The following RELN variants were observed in gnomAD, a reference collection of about 807,000 sequenced individuals.
RELN encodes reelin.
Under a neutral mutation model 427.6 loss-of-function variants are expected in RELN, and 108 were observed. That is an observed-to-expected ratio of 0.25 (90% CI 0.22 to 0.30). RELN has a LOEUF of 0.30. Among genes scored for constraint, RELN ranks in the 10% least tolerant of loss-of-function variants. The pLI is 1.00. For missense variants in RELN, 3,715 were observed against 4,302.8 expected (o/e 0.86, Z 3.82); for synonymous variants, 1,524 against 1,513.4 (o/e 1.01, Z -0.16).
At chr7:103,495,611 C>T (rs1418792310) in intron 57 of RELN, 112 bp downstream of exon 57, 1 of 1,041,814 alleles carries the variant, frequency 9.6e-7, no homozygotes, top group Non-Finnish European at 1.5e-6. Context: ...AAGATAAAGT[C>T]TTTTTTAATG....
At chr7:103,967,364 G>A (rs774487625) in intron 1 of RELN, among the ~76,000 whole-genome samples, 3 of 152,098 alleles carry the variant, frequency 2.0e-5, no homozygotes, top group Non-Finnish European at 4.4e-5. Context: ...GGCTCCTGAT[G>A]TTGAAAGTGT....
In RELN at chr7:103,741,213, T is replaced by C. The variant is rs916689101; in HGVS notation, c.656+8213A>G. Among the ~76,000 whole-genome samples, 4 of 152,198 alleles carry C rather than the reference T, an allele frequency of 2.6e-5. No individual in the cohort carries two copies. The East Asian group carries it at 7.7e-4, about 29-fold the overall frequency. On this transcript the variant is annotated intron_variant, in intron 6 of 64. Transcript: ENST00000428762. Reference sequence around the variant, plus strand: ...ACAAACTGGGGCTTTGTTAGTTTATTGGAAATATTTCATGGGGATATCTGA... The same window carrying C: ...ACAAACTGGGGCTTTGTTAGTTTATCGGAAATATTTCATGGGGATATCTGA...
At chr7:103,601,246 A>C (rs1287147801) in intron 24 of RELN, among the ~76,000 whole-genome samples, 1 of 152,178 alleles carries the variant, frequency 6.6e-6, no homozygotes, top group Non-Finnish European at 1.5e-5. Flanking sequence ...ACAACAGGTG[A>C]TCCAGATATG....
intron 10 of RELN, among the ~76,000 whole-genome samples, chr7:103,689,330 A>C (rs2115734034): frequency 6.6e-6 from 1 of 152,214 alleles, no homozygotes; most frequent in South Asian, 2.1e-4. Flanking sequence ...AAAATGTGGA[A>C]AGTATCTATC....
intron 2 of RELN, among the ~76,000 whole-genome samples, chr7:103,906,124 G>A (rs1000200807): frequency 1.1e-4 from 16 of 151,984 alleles, no homozygotes; most frequent in Non-Finnish European, 1.8e-4. Context: ...GAGAAGAGGT[G>A]TGGGAAAGGA....
chr7:103,909,671 ATTAAATATATT>A lies in RELN; in HGVS notation c.337+7393_337+7403del, dbSNP rs1376415305. 3.5e-5 allele frequency among the ~76,000 whole-genome samples: 3 copies of A among 85,312 alleles called. No individual in the cohort carries two copies. In the South Asian group the frequency reaches 1.0e-3, roughly 29 times the overall value. The allele number at this position is 85,312 out of a possible 152,430, so 56.0% of individuals were successfully genotyped here. ...ATATATTTAATATATATAAATATAT[ATTAAATATATT>A]TAATAAATATATATATTTAATATAT... On this transcript the variant is annotated intron_variant, in intron 2 of 64. Transcript: ENST00000428762.
At chr7:103,857,709 A>G (rs981594766) in intron 2 of RELN, among the ~76,000 whole-genome samples, 1 of 152,188 alleles carries the variant, frequency 6.6e-6, no homozygotes, top group Admixed American at 6.5e-5. Flanking sequence ...TACAGCTGAC[A>G]TCTAAGTGCT....
chr7:103,735,535 C>T (rs1346660841), intron 6 of RELN, among the ~76,000 whole-genome samples: 1 of 152,012 alleles, frequency 6.6e-6, no homozygotes, highest in Admixed American at 6.6e-5. Context: ...AAATTGAGCT[C>T]CTTTGCACAA....
At chr7:103,889,091 C>T (rs1031981558) in intron 2 of RELN, among the ~76,000 whole-genome samples, 4 of 152,178 alleles carry the variant, frequency 2.6e-5, no homozygotes, top group African/African-American at 9.7e-5. Context: ...GCCAAAACAG[C>T]CAATTATAGA....
At chr7:103,855,994 T>C (rs1028587926) in intron 2 of RELN, among the ~76,000 whole-genome samples, 1 of 152,138 alleles carries the variant, frequency 6.6e-6, no homozygotes, top group South Asian at 2.1e-4. Flanking sequence ...ACCCACAATA[T>C]GCCTCAAGGG....
chr7:103,693,945 A>G (rs1833924809), intron 10 of RELN, among the ~76,000 whole-genome samples: 1 of 152,164 alleles, frequency 6.6e-6, no homozygotes, highest in Admixed American at 6.5e-5. Context: ...TTAAATACAC[A>G]ATAGTTTGCC....
At chr7:103,493,545 T>A (rs1001130981) in intron 57 of RELN, among the ~76,000 whole-genome samples, 1 of 152,192 alleles carries the variant, frequency 6.6e-6, no homozygotes, top group African/African-American at 2.4e-5. Flanking sequence ...TGAAATTTGC[T>A]CTTCAAGATA....
chr7:103,509,383 G>A (rs1829321782), intron 51 of RELN, among the ~76,000 whole-genome samples: 1 of 152,076 alleles, frequency 6.6e-6, no homozygotes, highest in South Asian at 2.1e-4. Flanking sequence ...TGACAAACCT[G>A]ACAAAAACAA....
rs1830939664 is a variant in RELN, at chr7:103,573,999, AT to A, written c.4511+92del. ...TATATACAGAAACATTATTGTATAT[AT>A]TCCCAATAACAGAACAGAATGTTTT... On this transcript the variant is annotated intron_variant, in intron 30 of 64. Coordinates refer to ENST00000428762, the MANE Select transcript of RELN (RefSeq NM_005045.4). This position sits in a 1 kb window ranked among gnomAD's most constrained non-coding sequence, Gnocchi z 4.4. 4.1e-6 allele frequency: 4 copies of A among 976,788 alleles called. No individual in the cohort carries two copies. The highest frequency in any genetic ancestry group is 3.5e-5 in the Admixed American group (2 of 57,352). 60.5% of individuals were successfully genotyped at this position (976,788 alleles called of 1,614,324 possible).
chr7:103,763,090 G>A (rs985073000), intron 4 of RELN, among the ~76,000 whole-genome samples: 2 of 152,160 alleles, frequency 1.3e-5, no homozygotes, highest in Non-Finnish European at 2.9e-5. Context: ...TTCTTCTGTA[G>A]TTTCTCATAC....
intron 2 of RELN, among the ~76,000 whole-genome samples, chr7:103,903,503 T>C (rs1430811347): frequency 1.3e-5 from 2 of 152,132 alleles, no homozygotes; most frequent in Non-Finnish European, 2.9e-5. Context: ...AATAAAGTTA[T>C]GCTTTGCCAA....
At chr7:103,704,033 A>C (rs998891554) in intron 8 of RELN, among the ~76,000 whole-genome samples, 1 of 152,202 alleles carries the variant, frequency 6.6e-6, no homozygotes, top group African/African-American at 2.4e-5. Context: ...TCTGGCCCCC[A>C]TACACTGATG....
rs549031747 is a variant in RELN, at chr7:103,912,305, C to A, written c.337+4770G>T. On this transcript the variant is annotated intron_variant, in intron 2 of 64. Transcript: ENST00000428762. ...TCCACCTCCCGGGTCAAGTGATTCT[C>A]CTGCAAGTACGTGGGATTACAGGTA... Among the ~76,000 whole-genome samples, 8 of 151,730 alleles carry A rather than the reference C, an allele frequency of 5.3e-5. 1 individual carries two copies. Among genetic ancestry groups the A allele is most frequent in the African/African-American group, 1.5e-4 (6 of 41,278 alleles).
At chr7:103,865,426 C>G (rs1423089449) in intron 2 of RELN, among the ~76,000 whole-genome samples, 1 of 152,052 alleles carries the variant, frequency 6.6e-6, no homozygotes, top group Non-Finnish European at 1.5e-5. Flanking sequence ...GATACCAAAG[C>G]TAGATGAAAA....
Sources: gnomAD v4.1 joint callset for allele counts (sites outside exome capture counted in the v4.1 genomes callset) on GRCh38, gnomAD v4.1.1 for gene constraint, Gnocchi (gnomAD v3.1) non-coding constraint, MANE v1.5 for transcripts, NCBI Gene and HGNC (gene_info 2026-07-23, HGNC 2026-07-21) for gene names.